Variants in RAB11B observed in about 807,000 individuals in gnomAD.
The protein encoded by RAB11B is RAB11B, member RAS oncogene family, also known as ras-related protein Rab-11B.
Under a neutral mutation model 23.7 loss-of-function variants are expected in RAB11B, and 7 were observed. The ratio of observed to expected loss-of-function variants is 0.29; its 90% CI spans 0.17 to 0.55. The LOEUF is 0.55. RAB11B is among the 20% of genes least tolerant of loss of function. The probability of loss-of-function intolerance (pLI) is 0.93; values close to 1 mark genes in which losing one functional copy is unlikely to be tolerated. For synonymous variants in RAB11B, 138 were observed against 132.0 expected, an observed-to-expected ratio of 1.05 and a Z score of -0.31; for missense variants, 189 against 320.0, an observed-to-expected ratio of 0.59 and a Z score of 3.12.
chr19:8,395,388 C>G (rs1200799532), intron 1 of RAB11B, among the ~76,000 whole-genome samples: 1 of 151,304 alleles, frequency 6.6e-6, no homozygotes, highest in Non-Finnish European at 1.5e-5. Flanking sequence ...ATTCTCTTGC[C>G]TCAGCCTCCA....
In RAB11B at chr19:8,399,919, C is replaced by T; in HGVS notation, c.97C>T (p.Arg33Cys). ...GKSNLLSRFT[R>C]NEFNLESKST... ...GAGCAACCTGCTGTCGCGCTTCACC[C>T]GCAACGAGTTCAACCTGGAGAGCAA... The change falls in exon 2 of 5, where the codon CGC becomes TGC. Residue 33 changes from arginine (R) to cysteine (C), a missense_variant. Arg to Cys is a radical substitution (Grantham distance 180, BLOSUM62 -3). Coordinates refer to ENST00000328024, the MANE Select transcript of RAB11B (RefSeq NM_004218.4). 1 of 1,614,204 alleles carries T rather than the reference C, an allele frequency of 6.2e-7. No individual in the cohort carries two copies. Among genetic ancestry groups the T allele is most frequent in the Non-Finnish European group, 8.5e-7 (1 of 1,180,020 alleles).
In RAB11B at chr19:8,390,383, C is replaced by T. The variant is rs1971336882; in HGVS notation, c.-34C>T. ...CCGTCGGGTGTTTGTGGTGGGGCTG[C>T]GGAGTCGCCGATCCCGCCGGAAGCG... On this transcript the variant is annotated 5_prime_UTR_variant, in exon 1 of 5. Transcript: ENST00000328024. The T allele has an allele frequency of 5.3e-6, 8 of 1,521,818 alleles. No individual in the cohort carries two copies. In the East Asian group the frequency reaches 1.3e-4, roughly 26 times the overall value. The allele number at this position is 1,521,818 out of a possible 1,614,324, so 94.3% of individuals were successfully genotyped here.
intron 1 of RAB11B, among the ~76,000 whole-genome samples, chr19:8,390,977 G>C (rs1275018925): frequency 2.0e-5 from 3 of 151,626 alleles, no homozygotes; most frequent in Non-Finnish European, 4.4e-5. Context: ...GGCAATGGGG[G>C]CTGGGCCGAG....
At chr19:8,397,655 G>A (rs1416166081) in intron 1 of RAB11B, among the ~76,000 whole-genome samples, 1 of 152,082 alleles carries the variant, frequency 6.6e-6, no homozygotes, top group East Asian at 1.9e-4. Flanking sequence ...TTTTCTAGAG[G>A]GAAAATTCCA....
At chr19:8,394,960 G>A (rs1025861808) in intron 1 of RAB11B, among the ~76,000 whole-genome samples, 2 of 152,234 alleles carry the variant, frequency 1.3e-5, no homozygotes, top group Non-Finnish European at 2.9e-5. Flanking sequence ...AACTGATGGG[G>A]CTGAGGAGCC....
intron 2 of RAB11B, chr19:8,400,390 C>A: frequency 5.6e-6 from 2 of 357,666 alleles, no homozygotes; most frequent in Non-Finnish European, 5.3e-6. Flanking sequence ...ACACCTGGTC[C>A]CACACGCCTC....
intron 1 of RAB11B, among the ~76,000 whole-genome samples, chr19:8,392,220 AT>A (rs1387804482): frequency 6.6e-6 from 1 of 151,932 alleles, no homozygotes; most frequent in African/African-American, 2.4e-5. Flanking sequence ...TTCTGTGGTT[AT>A]CCCCTGCTTG....
chr19:8,394,833 G>A (rs982438383), intron 1 of RAB11B, among the ~76,000 whole-genome samples: 1 of 152,240 alleles, frequency 6.6e-6, no homozygotes, highest in South Asian at 2.1e-4. Context: ...GGGAGGCTGA[G>A]GCAGGAGGAT....
rs952578227 is a variant in RAB11B, at chr19:8,400,894, T to G, written c.236+836T>G. On this transcript the variant is annotated intron_variant, in intron 2 of 4. Transcript: ENST00000328024. ...TGAGCCACCGTGCCTGGCTGTCGCC[T>G]CCTCTTTTTTGGAGACAGACAGGGT... Among the ~76,000 whole-genome samples the G allele has an allele frequency of 3.3e-5, 5 of 151,558 alleles. No individual in the cohort carries two copies. The South Asian group carries it at 6.2e-4, about 19-fold the overall frequency.
chr19:8,395,953 C>G (rs1224535477), intron 1 of RAB11B, among the ~76,000 whole-genome samples: 2 of 152,210 alleles, frequency 1.3e-5, no homozygotes, highest in East Asian at 3.9e-4. Context: ...TGGCTCCAGA[C>G]AAGTCACTTG....
At chr19:8,401,313 C>T (rs1040973263) in intron 2 of RAB11B, among the ~76,000 whole-genome samples, 1 of 151,216 alleles carries the variant, frequency 6.6e-6, no homozygotes, top group African/African-American at 2.4e-5. Context: ...ATCTCCTGAC[C>T]TCATGATCTG....
At chr19:8,392,063 G>A (rs575052765) in intron 1 of RAB11B, among the ~76,000 whole-genome samples, 104 of 152,086 alleles carry the variant, frequency 6.8e-4, no homozygotes, top group African/African-American at 1.7e-3. Flanking sequence ...TCTGGAGACA[G>A]GGGGACTAAA....
chr19:8,391,684 G>A (rs988649514), intron 1 of RAB11B, among the ~76,000 whole-genome samples: 9 of 152,140 alleles, frequency 5.9e-5, no homozygotes, highest in East Asian at 1.9e-4. Context: ...GGCCTGCGTC[G>A]CACATCAGCT....
At chr19:8,397,584 T>C (rs970901966) in intron 1 of RAB11B, among the ~76,000 whole-genome samples, 3 of 150,478 alleles carry the variant, frequency 2.0e-5, no homozygotes, top group Non-Finnish European at 4.4e-5. Context: ...GGAGGTGGAG[T>C]GAGTGAGTGT....
chr19:8,396,070 T>C lies in RAB11B; in HGVS notation c.41-3793T>C, dbSNP rs2145508796. 6.6e-6 allele frequency among the ~76,000 whole-genome samples: 1 copy of C among 152,328 alleles called. No individual in the cohort carries two copies. The highest frequency in any genetic ancestry group is 1.5e-5 in the Non-Finnish European group (1 of 68,028). On this transcript the variant is annotated intron_variant, in intron 1 of 4. Coordinates refer to ENST00000328024, the MANE Select transcript of RAB11B (RefSeq NM_004218.4). This position sits in a 1 kb window ranked among gnomAD's most constrained non-coding sequence, Gnocchi z 5.0. ...ATCCAAGCCTCAGTTTCCTCATCTG[T>C]AAAAATGGGCTACAGGAGGCTTCTG... is the stretch of plus-strand genomic sequence containing the variant.
chr19:8,403,278 T>C (rs986009360), intron 4 of RAB11B, 135 bp from the exon 5 acceptor site: 1 of 1,163,276 alleles, frequency 8.6e-7, no homozygotes, highest in Non-Finnish European at 1.2e-6. Context: ...GCAGCCCCTG[T>C]CCTTGTTACC....
At position 8,403,971 on chromosome 19, in the gene RAB11B, C is replaced by G; in HGVS notation, c.*413C>G. 6.1e-6 allele frequency: 1 copy of G among 165,130 alleles called. No individual in the cohort carries two copies. Among genetic ancestry groups the G allele is most frequent in the Non-Finnish European group, 1.3e-5 (1 of 76,572 alleles). 10.2% of individuals were successfully genotyped at this position (165,130 alleles called of 1,614,324 possible). ...CCCCACCCAGAACCGTGCTCTGGGCCAAAGCCCGAAGAACCAGGCAGCGGG... is the reference window on the plus strand; with the variant it reads ...CCCCACCCAGAACCGTGCTCTGGGCGAAAGCCCGAAGAACCAGGCAGCGGG... On this transcript the variant is annotated 3_prime_UTR_variant, in exon 5 of 5. Coordinates refer to ENST00000328024, the MANE Select transcript of RAB11B (RefSeq NM_004218.4).
chr19:8,403,906 T>G lies in RAB11B; in HGVS notation c.*348T>G. On this transcript the variant is annotated 3_prime_UTR_variant, in exon 5 of 5. Coordinates refer to ENST00000328024, the MANE Select transcript of RAB11B (RefSeq NM_004218.4). ...TGGCCGACTCTAGGGAGCGATTGCC[T>G]CCCTCCCTCCGTGACCGGGTGGCCC... 9.4e-6 allele frequency: 2 copies of G among 213,812 alleles called. No individual in the cohort carries two copies. The highest frequency in any genetic ancestry group is 1.9e-5 in the Non-Finnish European group (2 of 107,414). 13.2% of individuals were successfully genotyped at this position (213,812 alleles called of 1,614,324 possible).
At chr19:8,393,824 G>A (rs1971376817) in intron 1 of RAB11B, among the ~76,000 whole-genome samples, 1 of 152,138 alleles carries the variant, frequency 6.6e-6, no homozygotes, top group South Asian at 2.1e-4. Context: ...ATTAGGGTCT[G>A]GGCCCCCAGG....
Sources: allele counts gnomAD v4.1 joint callset (sites outside exome capture counted in the v4.1 genomes callset), GRCh38; gene constraint gnomAD v4.1.1; non-coding constraint Gnocchi (gnomAD v3.1); transcripts MANE v1.5; gene names NCBI Gene and HGNC (gene_info 2026-07-23, HGNC 2026-07-21).